The following OPA1 variants were observed in gnomAD, a reference collection of about 807,000 sequenced individuals.
OPA1 encodes OPA1 mitochondrial dynamin like GTPase, also known as dynamin-like GTPase OPA1, mitochondrial.
In OPA1, 59 loss-of-function variants were observed where a neutral mutation model predicts 152.9. The ratio of observed to expected loss-of-function variants is 0.39; its 90% CI spans 0.31 to 0.48. The LOEUF is 0.48. OPA1 is among the 20% of genes least tolerant of loss of function. The pLI is 0.96. For synonymous variants in OPA1, 400 were observed against 389.9 expected, an observed-to-expected ratio of 1.03 and a Z score of -0.31; for missense variants, 1,008 against 1,216.8, an observed-to-expected ratio of 0.83 and a Z score of 2.55.
chr3:193,615,040 A>C lies in OPA1; in HGVS notation c.350A>C (p.Lys117Thr). Residue 117 changes from lysine to threonine, a missense_variant and splice_region_variant, in exon 2 of 31, where the codon AAG becomes ACG. Physicochemically the swap from Lys to Thr is moderately conservative, Grantham distance 78 (BLOSUM62 -1). Transcript: ENST00000361510. ...GTTGGGGGTGGCTACACAGCCAAAA[A>C]GGTGAACTTGACATTCCTCCTGGTT... ...SAVGGGYTAKKTFDQWKDMIP... is the reference protein window; with the variant it reads ...SAVGGGYTAKTTFDQWKDMIP... 6.2e-7 allele frequency: 1 copy of C among 1,611,252 alleles called. No homozygotes were observed.
At chr3:193,622,223 A>ATTTTT (rs1162240613) in intron 6 of OPA1, among the ~76,000 whole-genome samples, 7 of 109,104 alleles carry the variant, frequency 6.4e-5, no homozygotes, top group Admixed American at 1.8e-4. Flanking sequence ...TATTACTCTC[A>ATTTTT]TTCTTTTTTT....
At chr3:193,604,009 C>T (rs1246141332) in intron 1 of OPA1, among the ~76,000 whole-genome samples, 2 of 152,178 alleles carry the variant, frequency 1.3e-5, no homozygotes, top group Admixed American at 6.5e-5. Context: ...TTAGTCTACT[C>T]ACTGAAAAAT....
intron 11 of OPA1, among the ~76,000 whole-genome samples, chr3:193,638,313 A>C (rs754017890): frequency 2.6e-5 from 4 of 152,190 alleles, no homozygotes; most frequent in Non-Finnish European, 5.9e-5. Context: ...TTTTATTCTG[A>C]ATAAGATAAG....
At chr3:193,680,901 A>C (rs1720026787) in intron 29 of OPA1, among the ~76,000 whole-genome samples, 1 of 152,210 alleles carries the variant, frequency 6.6e-6, no homozygotes, top group Non-Finnish European at 1.5e-5. Context: ...TTAACATATA[A>C]AATAACTTTT....
Position 193,659,464 on chromosome 3 carries a change from A to C in OPA1, c.2441-18A>C. 1.3e-6 allele frequency: 2 copies of C among 1,587,894 alleles called. No individual in the cohort carries two copies. Among genetic ancestry groups the C allele is most frequent in the Non-Finnish European group, 1.7e-6 (2 of 1,162,630 alleles). On this transcript the variant is annotated intron_variant, in intron 24 of 30. Transcript: ENST00000361510. ...GTGTAAGTGATAAAATTCTTGATTA[A>C]TTAATTTTTTTTTCTAGCTGAAAAT...
chr3:193,618,699 A>C (rs534089185), intron 5 of OPA1, 170 bp from the exon 6 acceptor site: 1 of 607,510 alleles, frequency 1.6e-6, no homozygotes, highest in Non-Finnish European at 2.9e-6. Context: ...TATTTTCTGC[A>C]CAGGTTATCA....
intron 21 of OPA1, among the ~76,000 whole-genome samples, chr3:193,649,622 A>C (rs1353332392): frequency 6.6e-6 from 1 of 152,190 alleles, no homozygotes; most frequent in Non-Finnish European, 1.5e-5. Context: ...TTCTGTACCT[A>C]GTCTATTCAC....
Position 193,633,352 on chromosome 3 carries a change from A to G in OPA1, c.843+1687A>G, listed in dbSNP as rs148860316. Among the ~76,000 whole-genome samples the G allele has an allele frequency of 3.2e-3, 481 of 152,350 alleles. 1 individual carries two copies. The highest frequency in any genetic ancestry group is 0.011 in the African/African-American group (468 of 41,592). On this transcript the variant is annotated intron_variant, in intron 8 of 30. Transcript: ENST00000361510. ...TTCTAGAGCTTTGAGAGACAGCTCA[A>G]TAGCACATCTCTTCAGGATGGCTAC...
intron 28 of OPA1, among the ~76,000 whole-genome samples, 177 bp from the exon 29 acceptor site, chr3:193,666,993 A>G (rs757070031): frequency 2.6e-5 from 4 of 152,188 alleles, no homozygotes; most frequent in Admixed American, 2.0e-4. Flanking sequence ...CTGAGACTAT[A>G]TAGGTTTCAT....
intron 21 of OPA1, among the ~76,000 whole-genome samples, chr3:193,651,717 T>C (rs948877847): frequency 6.6e-6 from 1 of 152,168 alleles, no homozygotes; most frequent in African/African-American, 2.4e-5. Context: ...AAAAAAGGGA[T>C]TTATAAAACA....
In OPA1 at chr3:193,631,462, T is replaced by C. The variant is rs914290466; in HGVS notation, c.790-150T>C. 28 of 588,990 alleles carry C rather than the reference T, an allele frequency of 4.8e-5. No individual in the cohort carries two copies. The Admixed American group carries it at 8.3e-4, about 18-fold the overall frequency. 36.5% of individuals were successfully genotyped at this position (588,990 alleles called of 1,614,324 possible). On this transcript the variant is annotated intron_variant, in intron 7 of 30. Transcript: ENST00000361510. Reference sequence around the variant, plus strand: ...TTGATAAATACAGGTATTTTTACTTTCTTAAATCACTTGATTTAAAATTAC... The same window carrying C: ...TTGATAAATACAGGTATTTTTACTTCCTTAAATCACTTGATTTAAAATTAC...
Position 193,676,756 on chromosome 3 carries a change from G to A in OPA1, c.2983+9476G>A, listed in dbSNP as rs113115835. ...AGCACTTTAGGAGGCCAAGGTGGGC[G>A]GATCACAAGGTCAGGAGATCCAGAC... is the stretch of plus-strand genomic sequence containing the variant. On this transcript the variant is annotated intron_variant, in intron 29 of 30. Coordinates refer to ENST00000361510, the MANE Select transcript of OPA1 (RefSeq NM_130837.3). Among the ~76,000 whole-genome samples the A allele has an allele frequency of 4.3e-3, 649 of 152,168 alleles. 3 individuals are homozygous for A. The highest frequency in any genetic ancestry group is 0.014 in the African/African-American group (585 of 41,510).
At chr3:193,602,435 T>C (rs1385975562) in intron 1 of OPA1, among the ~76,000 whole-genome samples, 2 of 152,194 alleles carry the variant, frequency 1.3e-5, no homozygotes, top group Non-Finnish European at 2.9e-5. Flanking sequence ...AATGCTTCCT[T>C]TACCTGGTGG....
chr3:193,617,083 T>C (rs1729142110), intron 3 of OPA1, 95 bp from the exon 4 acceptor site: 2 of 763,496 alleles, frequency 2.6e-6, no homozygotes, highest in South Asian at 3.1e-5. Context: ...AGGGTTGTCA[T>C]GAGGATTAAA....
intron 1 of OPA1, chr3:193,603,380 G>A (rs1225944295): frequency 6.6e-6 from 1 of 152,236 alleles, no homozygotes; most frequent in South Asian, 2.1e-4. Context: ...TGCGTATCTT[G>A]ATGGTTCCAG....
intron 23 of OPA1, among the ~76,000 whole-genome samples, chr3:193,658,502 C>T (rs951172566): frequency 1.3e-5 from 2 of 152,062 alleles, no homozygotes; most frequent in African/African-American, 4.8e-5. Flanking sequence ...AAAAGGCTAA[C>T]ATGTAGGTCA....
In OPA1 at chr3:193,676,693, C is replaced by T. The variant is rs151067157; in HGVS notation, c.2983+9413C>T. 1.7e-4 allele frequency among the ~76,000 whole-genome samples: 26 copies of T among 152,140 alleles called. No homozygotes were observed. In the East Asian group the frequency reaches 4.1e-3, roughly 24 times the overall value. ...GCCTAAGTCTGTCTTTAAAAGTCAC[C>T]GTTGTGGCCGGGTGTGGTGGCTCAC... is the stretch of plus-strand genomic sequence containing the variant. On this transcript the variant is annotated intron_variant, in intron 29 of 30. Coordinates refer to ENST00000361510, the MANE Select transcript of OPA1 (RefSeq NM_130837.3).
chr3:193,646,861 C>T (rs1055132286), intron 18 of OPA1, among the ~76,000 whole-genome samples: 3 of 152,052 alleles, frequency 2.0e-5, no homozygotes, highest in African/African-American at 7.2e-5. Context: ...TTACACTAGC[C>T]ACACATTTCC....
intron 29 of OPA1, among the ~76,000 whole-genome samples, chr3:193,672,525 A>C (rs530583202): frequency 6.6e-6 from 1 of 152,178 alleles, no homozygotes; most frequent in East Asian, 1.9e-4. Flanking sequence ...AGACTTATTG[A>C]TACTGACACA....
Sources: gnomAD v4.1 joint callset for allele counts (sites outside exome capture counted in the v4.1 genomes callset) on GRCh38, gnomAD v4.1.1 for gene constraint, MANE v1.5 for transcripts, NCBI Gene and HGNC (gene_info 2026-07-23, HGNC 2026-07-21) for gene names.